The following XNDC1N variants were observed in gnomAD, a reference collection of about 807,000 sequenced individuals.
XNDC1N encodes the protein XRCC1 N-terminal domain containing 1, N-terminal like.
chr11:71,904,130 A>G, the XNDC1N span: 1 of 485,960 alleles, frequency 2.1e-6, no homozygotes, highest in Non-Finnish European at 4.1e-6. Context: ...TAATCTCAAT[A>G]TCTTCTTATC....
chr11:71,887,047 G>T, the XNDC1N span, among the ~76,000 whole-genome samples: 1 of 152,198 alleles, frequency 6.6e-6, no homozygotes, highest in African/African-American at 2.4e-5. Context: ...GGAGGAAGGG[G>T]CCCTGCTCAA....
chr11:71,905,065 G>T, the XNDC1N span, among the ~76,000 whole-genome samples: 1 of 151,924 alleles, frequency 6.6e-6, no homozygotes, highest in African/African-American at 2.4e-5. Flanking sequence ...TAATATCACA[G>T]GTTGTCCACT....
the XNDC1N span, chr11:71,923,370 G>T: frequency 1.4e-6 from 1 of 702,896 alleles, no homozygotes; most frequent in Non-Finnish European, 2.6e-6. Flanking sequence ...CCCAGCAGCT[G>T]TTTCAAGTAC....
chr11:71,870,040 G>A, the XNDC1N span, among the ~76,000 whole-genome samples: 3,030 of 152,270 alleles, frequency 0.02, 36 homozygotes, highest in Middle Eastern at 0.061. Flanking sequence ...GCAAAATTAC[G>A]TCTTACGTGG....
At chr11:71,901,456 A>C in the XNDC1N span, among the ~76,000 whole-genome samples, 14 of 151,930 alleles carry the variant, frequency 9.2e-5, no homozygotes, top group Non-Finnish European at 4.4e-5. Context: ...AAAATGAGCC[A>C]GCCGTAGTGG....
At chr11:71,914,496 G>C in the XNDC1N span, 3 of 397,846 alleles carry the variant, frequency 7.5e-6, no homozygotes, top group Non-Finnish European at 1.5e-5. Context: ...AGACCAGCCT[G>C]GTCAACATGG....
At chr11:71,914,597 G>A in the XNDC1N span, among the ~76,000 whole-genome samples, 1 of 151,780 alleles carries the variant, frequency 6.6e-6, no homozygotes, top group African/African-American at 2.4e-5. Flanking sequence ...TGAGGTGAGA[G>A]AATTGCTTGA....
the XNDC1N span, among the ~76,000 whole-genome samples, chr11:71,919,471 C>T: frequency 3.3e-5 from 5 of 151,888 alleles, no homozygotes; most frequent in African/African-American, 4.8e-5. Context: ...TCACTGCAAC[C>T]TCCGCCTCCC....
chr11:71,921,260 C>G, the XNDC1N span, among the ~76,000 whole-genome samples: 1 of 152,246 alleles, frequency 6.6e-6, no homozygotes, highest in African/African-American at 2.4e-5. Flanking sequence ...GCTCAGGATC[C>G]TCCCACCTCA....
At chr11:71,899,701 C>T in the XNDC1N span, among the ~76,000 whole-genome samples, 567 of 152,324 alleles carry the variant, frequency 3.7e-3, no homozygotes, top group African/African-American at 0.013. Context: ...GAGCCCTGCC[C>T]TTGAAAGCGG....
At chr11:71,927,038 A>C in the XNDC1N span, among the ~76,000 whole-genome samples, 1 of 151,622 alleles carries the variant, frequency 6.6e-6, no homozygotes, top group African/African-American at 2.4e-5. Flanking sequence ...GATTGCTTGA[A>C]CCCAGGAGTT....
the XNDC1N span, among the ~76,000 whole-genome samples, chr11:71,913,684 A>G: frequency 0.016 from 2,452 of 150,742 alleles, 48 homozygotes; most frequent in African/African-American, 0.052. Flanking sequence ...AAAAAAAAAA[A>G]AAAAGAAAAA....
the XNDC1N span, among the ~76,000 whole-genome samples, chr11:71,900,386 G>T: frequency 6.6e-6 from 1 of 152,082 alleles, no homozygotes; most frequent in African/African-American, 2.4e-5. Context: ...CCCTTCAAGT[G>T]AGTGCTGAGG....
the XNDC1N span, among the ~76,000 whole-genome samples, chr11:71,879,868 C>A: frequency 3.9e-4 from 59 of 152,134 alleles, 2 homozygotes; most frequent in Admixed American, 2.6e-3. Flanking sequence ...TGCCTTCTTT[C>A]ATTTAGCATA....
chr11:71,896,606 C>G, the XNDC1N span, among the ~76,000 whole-genome samples: 1 of 152,198 alleles, frequency 6.6e-6, no homozygotes, highest in South Asian at 2.1e-4. Flanking sequence ...TCTTGTTGCC[C>G]AGGCTGGAGT....
At chr11:71,888,701 C>G in the XNDC1N span, among the ~76,000 whole-genome samples, 1 of 152,224 alleles carries the variant, frequency 6.6e-6, no homozygotes, top group East Asian at 1.9e-4. Flanking sequence ...AGCAAATAAG[C>G]TGACTCTTGG....
At chr11:71,912,779 C>T in the XNDC1N span, among the ~76,000 whole-genome samples, 2 of 152,072 alleles carry the variant, frequency 1.3e-5, no homozygotes, top group Non-Finnish European at 1.5e-5. Context: ...CCTTTGCTGT[C>T]ATATAATTGT....
chr11:71,866,231 G>A, the XNDC1N span, among the ~76,000 whole-genome samples: 1 of 150,314 alleles, frequency 6.7e-6, no homozygotes, highest in Non-Finnish European at 1.5e-5. Context: ...ATGTTGCTCT[G>A]ATATCTCATC....
the XNDC1N span, among the ~76,000 whole-genome samples, chr11:71,872,238 A>G: frequency 6.6e-6 from 1 of 152,196 alleles, no homozygotes; most frequent in Non-Finnish European, 1.5e-5. Context: ...TTTGTCTGCA[A>G]CCTCAACACA....
Sources: gnomAD v4.1 joint callset for allele counts (sites outside exome capture counted in the v4.1 genomes callset) on GRCh38, gnomAD v4.1.1 for gene constraint, MANE v1.5 for transcripts, NCBI Gene and HGNC (gene_info 2026-07-23, HGNC 2026-07-21) for gene names.